Variants in SSBP3 observed in about 807,000 individuals in gnomAD.
SSBP3 encodes single-stranded DNA-binding protein 3.
Under a neutral mutation model 69.6 loss-of-function variants are expected in SSBP3, and 5 were observed. That is an observed-to-expected ratio of 0.07 (90% CI 0.04 to 0.15). The LOEUF (loss-of-function observed/expected upper bound fraction) is 0.15, where lower values mean the gene tolerates loss of function less well. Among genes scored for constraint, SSBP3 ranks in the 10% least tolerant of loss-of-function variants. The pLI, the probability that SSBP3 is intolerant of heterozygous loss-of-function variation, is 1.00. For missense variants in SSBP3, 312 were observed against 534.0 expected, an observed-to-expected ratio of 0.58 and a Z score of 4.10; for synonymous variants, 196 against 193.4, an observed-to-expected ratio of 1.01 and a Z score of -0.11.
At chr1:54,410,055 G>A (rs559813327), upstream of SSBP3, among the ~76,000 whole-genome samples, 2 of 152,168 alleles carry the variant, frequency 1.3e-5, no homozygotes, top group South Asian at 2.1e-4. Flanking sequence ...GTTCAGGGGT[G>A]CATTTTCCCC....
chr1:54,401,840 G>A (rs371123289), intron 4 of SSBP3, 21 bp downstream of exon 4: 1 of 1,599,212 alleles, frequency 6.3e-7, no homozygotes, highest in African/African-American at 1.3e-5. Flanking sequence ...TTATTGCTAG[G>A]ATTAAAAATA....
intron 3 of SSBP3, among the ~76,000 whole-genome samples, chr1:54,402,845 A>G (rs1313354193): frequency 2.0e-5 from 3 of 152,222 alleles, no homozygotes; most frequent in Non-Finnish European, 4.4e-5. Context: ...GTTGTCAGTG[A>G]TATTAACAAG....
At chr1:54,299,551 C>T (rs1235834140) in intron 4 of SSBP3, among the ~76,000 whole-genome samples, 2 of 152,050 alleles carry the variant, frequency 1.3e-5, no homozygotes, top group Non-Finnish European at 2.9e-5. Flanking sequence ...TCACAATCAC[C>T]CCCAAGCCCA....
intron 9 of SSBP3, among the ~76,000 whole-genome samples, chr1:54,249,555 C>T (rs1331883421): frequency 1.3e-5 from 2 of 151,876 alleles, no homozygotes; most frequent in African/African-American, 4.8e-5. Flanking sequence ...ATTAGCCAGG[C>T]GTGGTGGTGG....
At chr1:54,230,368 C>G (rs1644360779) in intron 14 of SSBP3, among the ~76,000 whole-genome samples, 1 of 152,148 alleles carries the variant, frequency 6.6e-6, no homozygotes, top group African/African-American at 2.4e-5. Flanking sequence ...ATGCCAGACC[C>G]CCAAAATCCC....
intron 4 of SSBP3, among the ~76,000 whole-genome samples, chr1:54,378,647 T>C (rs1017468023): frequency 6.6e-6 from 1 of 152,198 alleles, no homozygotes; most frequent in Non-Finnish European, 1.5e-5. Context: ...TGGTTCCTTT[T>C]AGTCCAAGGC....
chr1:54,294,142 C>CAAAAAAA (rs1223376233), intron 4 of SSBP3, among the ~76,000 whole-genome samples: 1 of 41,488 alleles, frequency 2.4e-5, no homozygotes. Flanking sequence ...GACTCCATCT[C>CAAAAAAA]AAAAAAAAAA....
chr1:54,233,636 G>A (rs1225819699), intron 14 of SSBP3, among the ~76,000 whole-genome samples: 1 of 143,792 alleles, frequency 7.0e-6, no homozygotes, highest in Non-Finnish European at 1.5e-5. Flanking sequence ...GGAGGTGAGG[G>A]GCGCCTCTGC....
intron 4 of SSBP3, among the ~76,000 whole-genome samples, chr1:54,385,909 TC>T (rs1352175155): frequency 2.0e-5 from 3 of 152,194 alleles, no homozygotes; most frequent in Non-Finnish European, 4.4e-5. Context: ...GCACCTTGGT[TC>T]CCCAGTACCC....
At chr1:54,408,935 C>A (rs1222445218), upstream of SSBP3, among the ~76,000 whole-genome samples, 4 of 152,116 alleles carry the variant, frequency 2.6e-5, no homozygotes, top group African/African-American at 9.7e-5. Flanking sequence ...AGGGCCCGGG[C>A]AGAGAGAGCA....
chr1:54,380,581 T>G (rs1023042815), intron 4 of SSBP3, among the ~76,000 whole-genome samples: 3 of 152,226 alleles, frequency 2.0e-5, no homozygotes, highest in African/African-American at 7.2e-5. Flanking sequence ...AGCTTCGGCT[T>G]CCTGAGAAGC....
intron 4 of SSBP3, chr1:54,356,823 C>T (rs1646875745): frequency 6.6e-6 from 1 of 152,334 alleles, no homozygotes; most frequent in Admixed American, 6.5e-5. Flanking sequence ...GGAAGTCTTC[C>T]TCCACCCGCC....
intron 4 of SSBP3, among the ~76,000 whole-genome samples, chr1:54,313,623 A>G (rs1646045254): frequency 6.6e-6 from 1 of 151,978 alleles, no homozygotes; most frequent in African/African-American, 2.4e-5. Flanking sequence ...GCACAAAAGC[A>G]CGGGGGCCTG....
intron 5 of SSBP3, among the ~76,000 whole-genome samples, chr1:54,276,484 G>A (rs1315312127): frequency 1.3e-5 from 2 of 151,684 alleles, no homozygotes; most frequent in Admixed American, 6.6e-5. Context: ...GGTGGTGAGC[G>A]CCTGTAATCC....
intron 4 of SSBP3, among the ~76,000 whole-genome samples, chr1:54,308,031 T>C (rs2100246255): frequency 6.6e-6 from 1 of 152,340 alleles, no homozygotes; most frequent in South Asian, 2.1e-4. Flanking sequence ...GAACCCTCTC[T>C]TGGGGTCTGG....
At chr1:54,379,989 AT>A (rs1557579105) in intron 4 of SSBP3, among the ~76,000 whole-genome samples, 8 of 152,136 alleles carry the variant, frequency 5.3e-5, no homozygotes, top group African/African-American at 1.7e-4. Flanking sequence ...AGTGGGGACA[AT>A]GGGGCTGGAG....
At chr1:54,348,528 A>C (rs1646728359) in intron 4 of SSBP3, among the ~76,000 whole-genome samples, 1 of 152,198 alleles carries the variant, frequency 6.6e-6, no homozygotes, top group South Asian at 2.1e-4. Context: ...TCAAGCTCCC[A>C]CAGTGAGAAT....
At chr1:54,299,019 C>A (rs933129918) in intron 4 of SSBP3, among the ~76,000 whole-genome samples, 4 of 151,360 alleles carry the variant, frequency 2.6e-5, no homozygotes, top group African/African-American at 9.7e-5. Flanking sequence ...CAAACACTCA[C>A]AAGGAACAGC....
At chr1:54,408,287 G>A (rs144899932), upstream of SSBP3, among the ~76,000 whole-genome samples, 25 of 152,280 alleles carry the variant, frequency 1.6e-4, no homozygotes, top group Non-Finnish European at 3.4e-4. Context: ...GGGAGAGAAG[G>A]AAATAATTAC....
Sources: gnomAD v4.1 joint callset for allele counts (sites outside exome capture counted in the v4.1 genomes callset) on GRCh38, gnomAD v4.1.1 for gene constraint, MANE v1.5 for transcripts, NCBI Gene and HGNC (gene_info 2026-07-23, HGNC 2026-07-21) for gene names.